The following ATRIP variants were observed in gnomAD, a reference collection of about 807,000 sequenced individuals.
The protein encoded by ATRIP is ATR-interacting protein.
A neutral mutation model predicts 78.1 loss-of-function variants in ATRIP; 44 were observed. The ratio of observed to expected loss-of-function variants is 0.56; its 90% CI spans 0.44 to 0.72. The LOEUF is 0.72. ATRIP is among the 30% of genes least tolerant of loss of function. The probability of loss-of-function intolerance (pLI) is 0.00; values close to 1 mark genes in which losing one functional copy is unlikely to be tolerated. For missense variants in ATRIP, 927 were observed against 980.2 expected (o/e 0.95, Z 0.72); for synonymous variants, 388 against 408.9 (o/e 0.95, Z 0.62).
Position 48,465,803 on chromosome 3 carries a change from C to A in ATRIP, c.*249C>A, listed in dbSNP as rs144446106. 21 of 461,380 alleles carry A rather than the reference C, an allele frequency of 4.6e-5. No individual in the cohort carries two copies. In the East Asian group the frequency reaches 8.5e-4, roughly 19 times the overall value. The allele number at this position is 461,380 out of a possible 1,614,324, so 28.6% of individuals were successfully genotyped here. A position where few individuals can be genotyped will look rare whatever the true frequency, so the allele number is the denominator to read the frequency against. On this transcript the variant is annotated 3_prime_UTR_variant, in exon 13 of 13. Coordinates refer to ENST00000320211, the MANE Select transcript of ATRIP (RefSeq NM_130384.3). Reference sequence around the variant, plus strand: ...AACTGATCTGCCTTGAGGAAGGAGCCCTGCCCTGCCTGTGGAATTGTCCTG... The same window carrying A: ...AACTGATCTGCCTTGAGGAAGGAGCACTGCCCTGCCTGTGGAATTGTCCTG...
chr3:48,446,970 C>CCCCGGA lies in ATRIP; in HGVS notation c.129_134dup (p.Pro45_Asp46dup), dbSNP rs1382073466. 1 of 1,563,202 alleles carries CCCCGGA rather than the reference C, an allele frequency of 6.4e-7. No homozygotes were observed. The highest frequency in any genetic ancestry group is 1.9e-5 in the Admixed American group (1 of 52,646). The stretch of plus-strand genomic sequence containing the variant: ...GCCCGGGGCTTCTCCGCAGCCGCTG[C>CCCCGGA]CCCGGACCCTGACGACCCGTTCGGC... On this transcript the variant is annotated inframe_insertion, in exon 1 of 13. Transcript: ENST00000320211.
At position 48,466,473 on chromosome 3, in the gene ATRIP, C is replaced by CCAA. The variant is rs1397940396; in HGVS notation, c.*921_*923dup. 3.3e-5 allele frequency: 54 copies of CCAA among 1,613,830 alleles called. No individual in the cohort carries two copies. The highest frequency in any genetic ancestry group is 4.3e-5 in the Non-Finnish European group (51 of 1,180,036). On this transcript the variant is annotated 3_prime_UTR_variant, in exon 13 of 13. Transcript: ENST00000320211. ...CACTAAGGAAACCACCTCACCCTCT[C>CCAA]CAACTTCCTGCCTGAAAATGGGCCC...
chr3:48,446,794 C>T lies in ATRIP; in HGVS notation c.-52C>T. ...CGGTTGGTCCAGTTCTCCGGCCTGG[C>T]GGCAGGCAAGTCTAGCTCGGCGCTG... is the stretch of plus-strand genomic sequence containing the variant. On this transcript the variant is annotated 5_prime_UTR_variant, in exon 1 of 13. Transcript: ENST00000320211. 7.4e-7 allele frequency: 1 copy of T among 1,357,336 alleles called. No homozygotes were observed. Among genetic ancestry groups the T allele is most frequent in the South Asian group, 2.3e-5 (1 of 43,866 alleles). 84.1% of individuals were successfully genotyped at this position (1,357,336 alleles called of 1,614,324 possible).
intron 8 of ATRIP, 101 bp downstream of exon 8, chr3:48,460,900 A>G: frequency 8.5e-7 from 1 of 1,172,092 alleles, no homozygotes; most frequent in Non-Finnish European, 1.2e-6. Context: ...TGACTTATCT[A>G]CACTAGTTAG....
In ATRIP at chr3:48,464,782, T is replaced by G. The variant is rs1320575629; in HGVS notation, c.2056-49T>G. On this transcript the variant is annotated intron_variant, in intron 11 of 12. Transcript: ENST00000320211. ...GGCTAGGCTGAGCGGATTGTTAGGG[T>G]GCAGGCCATGGTGGCACCAGGCCTC... 4 of 1,601,424 alleles carry G rather than the reference T, an allele frequency of 2.5e-6. No homozygotes were observed. In the South Asian group the frequency reaches 3.3e-5, roughly 13 times the overall value.
At position 48,465,518 on chromosome 3, in the gene ATRIP, A is replaced by C. The variant is rs1486216311; in HGVS notation, c.2340A>C (p.Glu780Asp). The C allele has an allele frequency of 6.2e-7, 1 of 1,613,846 alleles. No homozygotes were observed. ...CCCTGGATGACCTCTGTGCCGCGGA[A>C]ACCGATGTGGAAGACCCCGAGGTGG... ...EAALDDLCAA[E>D]TDVEDPEVEC... Residue 780 changes from glutamate (E) to aspartate (D), a missense_variant, in exon 13 of 13, where the codon GAA becomes GAC. Glu to Asp is a conservative substitution (Grantham distance 45, BLOSUM62 2). Transcript: ENST00000320211.
At chr3:48,463,238 A>G (rs2040168757) in intron 8 of ATRIP, among the ~76,000 whole-genome samples, 1 of 152,056 alleles carries the variant, frequency 6.6e-6, no homozygotes, top group African/African-American at 2.4e-5. Context: ...TGCACACCCC[A>G]CAGTAGGCAC....
intron 2 of ATRIP, chr3:48,450,529 T>C: frequency 7.7e-7 from 1 of 1,290,854 alleles, no homozygotes; most frequent in Non-Finnish European, 1.0e-6. Flanking sequence ...TCACCATCTG[T>C]AGGTCCCTAA....
chr3:48,450,583 A>T, intron 2 of ATRIP: 1 of 1,193,410 alleles, frequency 8.4e-7, no homozygotes, highest in Middle Eastern at 2.8e-4. Flanking sequence ...AAGGTATGTG[A>T]CCCAGATTTT....
chr3:48,451,228 G>A, intron 2 of ATRIP, among the ~76,000 whole-genome samples: 1 of 150,716 alleles, frequency 6.6e-6, no homozygotes, highest in Non-Finnish European at 1.5e-5. Context: ...GGTGGCTCAT[G>A]CCTGTAATCC....
intron 10 of ATRIP, 25 bp downstream of exon 10, chr3:48,464,157 G>T: frequency 6.4e-7 from 1 of 1,567,644 alleles, no homozygotes; most frequent in South Asian, 1.1e-5. Context: ...GCCCCTTCTG[G>T]ACACTGTCCC....
chr3:48,466,682 G>A lies in ATRIP; in HGVS notation c.*1128G>A. 1.2e-6 allele frequency: 2 copies of A among 1,614,062 alleles called. No homozygotes were observed. Among genetic ancestry groups the A allele is most frequent in the Non-Finnish European group, 1.7e-6 (2 of 1,180,012 alleles). ...TGGGCTCGCAGGCCCTGCCCCCGGGGCCCATGCAGACCCTCATCTTTTTCG... is the reference window on the plus strand; with the variant it reads ...TGGGCTCGCAGGCCCTGCCCCCGGGACCCATGCAGACCCTCATCTTTTTCG... On this transcript the variant is annotated 3_prime_UTR_variant, in exon 13 of 13. Transcript: ENST00000320211.
At position 48,460,353 on chromosome 3, in the gene ATRIP, C is replaced by G; in HGVS notation, c.1299C>G (p.Ala433=). Residue 433 remains alanine, a synonymous_variant, in exon 8 of 13, where the codon GCC becomes GCG. Transcript: ENST00000320211. The part of the protein sequence containing the change: ...VQFFIGLHCQ[A]LQDLAAAKRS... The stretch of plus-strand genomic sequence containing the variant: ...TCTTCATCGGCTTACACTGCCAGGC[C>G]CTGCAGGACTTGGCAGCTGCTAAGA... The G allele has an allele frequency of 6.2e-7, 1 of 1,613,262 alleles. No homozygotes were observed. Among genetic ancestry groups the G allele is most frequent in the Non-Finnish European group, 8.5e-7 (1 of 1,179,570 alleles).
At position 48,464,037 on chromosome 3, in the gene ATRIP, T is replaced by A; in HGVS notation, c.1883-4T>A. The A allele has an allele frequency of 6.2e-7, 1 of 1,613,352 alleles. No homozygotes were observed. Among genetic ancestry groups the A allele is most frequent in the South Asian group, 1.1e-5 (1 of 91,064 alleles). ...CTGAGTGAGAGGTGCGCTGTCCTTT[T>A]CAGAAGGCTGCCTCCTGCTGCTGCT... On this transcript the variant is annotated splice_polypyrimidine_tract_variant and splice_region_variant and intron_variant, in intron 9 of 12. Transcript: ENST00000320211.
At chr3:48,452,870 AT>A (rs71074246) in intron 3 of ATRIP, among the ~76,000 whole-genome samples, 419 of 117,480 alleles carry the variant, frequency 3.6e-3, no homozygotes, top group African/African-American at 1.0e-2. Context: ...AAATTATTGA[AT>A]TTTTTTTTTT....
Position 48,460,651 on chromosome 3 carries a change from C to G in ATRIP, c.1597C>G (p.Gln533Glu). Residue 533 changes from glutamine to glutamate, a missense_variant, in exon 8 of 13, where the codon CAA (glutamine) becomes GAA (glutamate). Coordinates refer to ENST00000320211, the MANE Select transcript of ATRIP (RefSeq NM_130384.3). ...AGCCCTAAGGGGGGTTGCTGATGACCAAGGACAGCACCCACTGTTGAAGAT... is the reference window on the plus strand; with the variant it reads ...AGCCCTAAGGGGGGTTGCTGATGACGAAGGACAGCACCCACTGTTGAAGAT... ...TSALRGVADDQGQHPLLKMLL... is the reference protein window; with the variant it reads ...TSALRGVADDEGQHPLLKMLL... 1 of 1,614,138 alleles carries G rather than the reference C, an allele frequency of 6.2e-7. No homozygotes were observed. The highest frequency in any genetic ancestry group is 8.5e-7 in the Non-Finnish European group (1 of 1,180,004).
In ATRIP at chr3:48,459,712, T is replaced by C. The variant is rs72556556; in HGVS notation, c.926-75T>C. The C allele has an allele frequency of 1.4e-4, 212 of 1,567,670 alleles. No homozygotes were observed. The African/African-American group carries it at 2.6e-3, about 19-fold the overall frequency. On this transcript the variant is annotated intron_variant, in intron 6 of 12. Transcript: ENST00000320211. ...AGGACAGTTGGCATCCAAAGAATCC[T>C]TACTGTTTCCTTCTGAAAGCCACCG...
chr3:48,459,895 T>C lies in ATRIP; in HGVS notation c.1034T>C (p.Leu345Pro), dbSNP rs764789630. ...TCTGAGTCTCCTGCTGGCACCCCCC[T>C]GCAGCCACCAGGGTTTGGCAGGTAA... ...SSSESPAGTPLQPPGFGSTLA... is the reference protein window; with the variant it reads ...SSSESPAGTPPQPPGFGSTLA... Residue 345 changes from leucine (L) to proline (P), a missense_variant, in exon 7 of 13, where the codon CTG (leucine) becomes CCG (proline). By Grantham distance (98) the Leu-to-Pro change is moderately conservative. Transcript: ENST00000320211. 1.9e-6 allele frequency: 3 copies of C among 1,613,390 alleles called. No homozygotes were observed. Among genetic ancestry groups the C allele is most frequent in the Non-Finnish European group, 2.5e-6 (3 of 1,179,728 alleles).
rs1359111313 is a variant in ATRIP, at chr3:48,450,166, A to G, written c.377A>G (p.Glu126Gly). 3 of 1,608,172 alleles carry G rather than the reference A, an allele frequency of 1.9e-6. No homozygotes were observed. In the African/African-American group the frequency reaches 4.0e-5, roughly 22 times the overall value. Residue 126 changes from glutamate to glycine, a missense_variant, in exon 2 of 13, where the codon GAA becomes GGA. Physicochemically the swap from Glu to Gly is moderately conservative, Grantham distance 98. Coordinates refer to ENST00000320211, the MANE Select transcript of ATRIP (RefSeq NM_130384.3). Reference sequence around the variant, plus strand: ...CAGGCACAATACAAAGAACTTAAAGAAAAGGTAAGTGACTTAACTTGTGGT... The same window carrying G: ...CAGGCACAATACAAAGAACTTAAAGGAAAGGTAAGTGACTTAACTTGTGGT... ...VLQAQYKELK[E>G]KMKVMEEEVL...
Sources: allele counts gnomAD v4.1 joint callset (sites outside exome capture counted in the v4.1 genomes callset), GRCh38; gene constraint gnomAD v4.1.1; transcripts MANE v1.5; gene names NCBI Gene and HGNC (gene_info 2026-07-23, HGNC 2026-07-21).